The following DCC variants were observed in gnomAD, a reference collection of about 807,000 sequenced individuals.
The protein encoded by DCC is DCC netrin 1 receptor, also known as netrin receptor DCC.
Under a neutral mutation model 172.5 loss-of-function variants are expected in DCC, and 58 were observed. The ratio of observed to expected loss-of-function variants is 0.34; its 90% CI spans 0.27 to 0.42. The LOEUF (loss-of-function observed/expected upper bound fraction) is 0.42, where lower values mean the gene tolerates loss of function less well. DCC is among the 10% of genes least tolerant of loss of function. DCC has a pLI of 1.00. For synonymous variants in DCC, 709 were observed against 644.5 expected (o/e 1.10, Z -1.52); for missense variants, 1,740 against 1,791.0 (o/e 0.97, Z 0.51).
At chr18:53,437,582 CAAAAAAAAAAAAAA>C (rs74180424) in intron 22 of DCC, among the ~76,000 whole-genome samples, 1 of 20,806 alleles carries the variant, frequency 4.8e-5, no homozygotes, top group Non-Finnish European at 7.5e-5. Context: ...GGCTCCATCT[CAAAAAAAAAAAAAA>C]AAAAAAAAAA....
At chr18:52,906,714 A>G (rs915964231) in intron 3 of DCC, among the ~76,000 whole-genome samples, 3 of 152,062 alleles carry the variant, frequency 2.0e-5, no homozygotes, top group African/African-American at 7.2e-5. Context: ...AAAATTTGCA[A>G]CGTTAAGAAC....
intron 1 of DCC, among the ~76,000 whole-genome samples, chr18:52,580,655 T>G (rs574146615): frequency 6.6e-6 from 1 of 152,232 alleles, no homozygotes; most frequent in South Asian, 2.1e-4. Context: ...AGACTATGGA[T>G]GCCTGGAAGA....
chr18:53,142,506 G>A (rs2043846097), intron 7 of DCC, among the ~76,000 whole-genome samples: 1 of 152,078 alleles, frequency 6.6e-6, no homozygotes, highest in South Asian at 2.1e-4. Context: ...TCTTCATGGA[G>A]TCTACTCTTT....
intron 12 of DCC, among the ~76,000 whole-genome samples, chr18:53,216,960 TTGTTAA>T (rs1253519553): frequency 6.6e-6 from 1 of 152,130 alleles, no homozygotes; most frequent in Non-Finnish European, 1.5e-5. Context: ...TTATTGTATG[TTGTTAA>T]TGAATGAAAT....
intron 5 of DCC, among the ~76,000 whole-genome samples, chr18:52,989,732 A>G (rs947843587): frequency 2.0e-5 from 3 of 152,172 alleles, no homozygotes; most frequent in African/African-American, 7.2e-5. Context: ...AGGAATGGTA[A>G]AAGTTATAAT....
At chr18:53,041,258 T>G (rs1012249043) in intron 5 of DCC, among the ~76,000 whole-genome samples, 4 of 152,112 alleles carry the variant, frequency 2.6e-5, no homozygotes, top group African/African-American at 9.7e-5. Context: ...CAAAACCACT[T>G]ATTAAATAGG....
chr18:52,853,685 G>A (rs2039010602), intron 2 of DCC, among the ~76,000 whole-genome samples: 1 of 152,182 alleles, frequency 6.6e-6, no homozygotes, highest in South Asian at 2.1e-4. Flanking sequence ...CTGAGGTCCT[G>A]GAAACAGAGT....
intron 5 of DCC, among the ~76,000 whole-genome samples, chr18:53,060,860 T>C (rs914761822): frequency 3.9e-5 from 6 of 152,126 alleles, no homozygotes; most frequent in Non-Finnish European, 4.4e-5. Flanking sequence ...TTTTGAGAAA[T>C]TCTGTTATGT....
intron 3 of DCC, among the ~76,000 whole-genome samples, chr18:52,917,636 C>T (rs1295628886): frequency 2.0e-5 from 3 of 152,114 alleles, no homozygotes; most frequent in Non-Finnish European, 2.9e-5. Context: ...GCAAAGGCAA[C>T]GTATTGCCAT....
intron 1 of DCC, among the ~76,000 whole-genome samples, chr18:52,539,371 C>A (rs1046081452): frequency 1.3e-5 from 2 of 152,078 alleles, no homozygotes; most frequent in Admixed American, 6.6e-5. Context: ...AGTCCCCAAA[C>A]CCCCAGGCCG....
intron 21 of DCC, among the ~76,000 whole-genome samples, chr18:53,430,066 T>G (rs145660796): frequency 0.023 from 3,510 of 152,240 alleles, 68 homozygotes; most frequent in Middle Eastern, 0.065. Context: ...ACGGTCTGTG[T>G]GTCAGATGGA....
chr18:53,368,399 G>A (rs184546540), intron 15 of DCC, among the ~76,000 whole-genome samples: 1 of 152,056 alleles, frequency 6.6e-6, no homozygotes, highest in African/African-American at 2.4e-5. Flanking sequence ...TTTTTACTTT[G>A]TTGGTACTTT....
intron 1 of DCC, among the ~76,000 whole-genome samples, chr18:52,697,350 A>G (rs550070320): frequency 6.6e-6 from 1 of 152,306 alleles, no homozygotes; most frequent in East Asian, 1.9e-4. Context: ...ATGGATTTCC[A>G]TCTGACGATG....
chr18:53,256,713 A>G (rs1274612451), intron 12 of DCC, among the ~76,000 whole-genome samples: 3 of 152,174 alleles, frequency 2.0e-5, no homozygotes, highest in Non-Finnish European at 4.4e-5. Context: ...TTGGTTCCAT[A>G]CTAACTTTAA....
chr18:52,568,777 G>T (rs572663758), intron 1 of DCC, among the ~76,000 whole-genome samples: 1 of 152,116 alleles, frequency 6.6e-6, no homozygotes, highest in African/African-American at 2.4e-5. Flanking sequence ...GAACGTGCAA[G>T]GTGTGGTCTC....
Position 53,205,265 on chromosome 18 carries a change from T to A in DCC, c.1623T>A (p.Pro541=), listed in dbSNP as rs778225459. Residue 541 remains proline (P), a synonymous_variant, in exon 10 of 29, where the codon CCT becomes CCA. Coordinates refer to ENST00000442544, the MANE Select transcript of DCC (RefSeq NM_005215.4). ...VENLQAVSTS[P]TSILITWEPP... ...ACCTGCAAGCTGTATCTACCTCACCTACCTCAATTCTTATTACCTGGGAAC... is the reference window on the plus strand; with the variant it reads ...ACCTGCAAGCTGTATCTACCTCACCAACCTCAATTCTTATTACCTGGGAAC... 2 of 1,613,614 alleles carry A rather than the reference T, an allele frequency of 1.2e-6. No individual in the cohort carries two copies. The highest frequency in any genetic ancestry group is 2.2e-5 in the South Asian group (2 of 91,078).
rs542416502 is a variant in DCC, at chr18:53,004,289, C to T, written c.986-59016C>T. Among the ~76,000 whole-genome samples the T allele has an allele frequency of 2.6e-5, 4 of 152,230 alleles. No homozygotes were observed. In the East Asian group the frequency reaches 5.8e-4, roughly 22 times the overall value. ...AGGGCCTTAGCCCTCTATAATTTCA[C>T]GTATCAGTTACCATTTGAAGGTAAT... On this transcript the variant is annotated intron_variant, in intron 5 of 28. Coordinates refer to ENST00000442544, the MANE Select transcript of DCC (RefSeq NM_005215.4).
chr18:52,691,210 T>C (rs1325477000), intron 1 of DCC, among the ~76,000 whole-genome samples: 1 of 152,114 alleles, frequency 6.6e-6, no homozygotes, highest in Non-Finnish European at 1.5e-5. Context: ...GAGGTGTTTC[T>C]TGGCTTAGAG....
At chr18:52,845,080 A>C (rs2038864147) in intron 2 of DCC, among the ~76,000 whole-genome samples, 1 of 152,248 alleles carries the variant, frequency 6.6e-6, no homozygotes, top group African/African-American at 2.4e-5. Flanking sequence ...GTCAGTGAAA[A>C]ATGAACTCAC....
Sources: gnomAD v4.1 joint callset for allele counts (sites outside exome capture counted in the v4.1 genomes callset) on GRCh38, gnomAD v4.1.1 for gene constraint, MANE v1.5 for transcripts, NCBI Gene and HGNC (gene_info 2026-07-23, HGNC 2026-07-21) for gene names.